YEATS4: variants seen among roughly 807,000 people sequenced by gnomAD.
The protein encoded by YEATS4 is YEATS domain containing 4, also known as YEATS domain-containing protein 4.
YEATS4 carries 17 observed loss-of-function variants against 30.1 expected under a neutral mutation model. That is an observed-to-expected ratio of 0.56 (90% CI 0.39 to 0.85). YEATS4 has a LOEUF of 0.85. Ranked by LOEUF, YEATS4 falls within the 40% of genes least tolerant of loss-of-function variation. The probability of loss-of-function intolerance (pLI) is 0.00; values close to 1 mark genes in which losing one functional copy is unlikely to be tolerated. For missense variants in YEATS4, 142 were observed against 268.3 expected (o/e 0.53, Z 3.29); for synonymous variants, 85 against 87.5 (o/e 0.97, Z 0.16).
chr12:69,361,915 A>G (rs769987297), intron 1 of YEATS4, among the ~76,000 whole-genome samples: 4 of 152,028 alleles, frequency 2.6e-5, no homozygotes, highest in Non-Finnish European at 5.9e-5. Flanking sequence ...TCTGAATTCA[A>G]CTGTAATATT....
chr12:69,413,393 T>C, the YEATS4 span, among the ~76,000 whole-genome samples: 559 of 150,550 alleles, frequency 3.7e-3, 7 homozygotes, highest in African/African-American at 0.013. Flanking sequence ...TGCAGATTTG[T>C]CTTTAAAATT....
chr12:69,365,022 T>C (rs1279687315), intron 2 of YEATS4, among the ~76,000 whole-genome samples: 3 of 152,216 alleles, frequency 2.0e-5, no homozygotes, highest in Non-Finnish European at 4.4e-5. Context: ...AAAATCAAAA[T>C]TGATTTAGAA....
intron 6 of YEATS4, among the ~76,000 whole-genome samples, chr12:69,379,386 G>A (rs1372346811): frequency 2.0e-5 from 3 of 151,360 alleles, no homozygotes; most frequent in Non-Finnish European, 4.4e-5. Context: ...CTTTAATTAA[G>A]GTCAATAACT....
chr12:69,367,044 A>G (rs145168115), intron 4 of YEATS4, among the ~76,000 whole-genome samples: 4 of 152,280 alleles, frequency 2.6e-5, no homozygotes, highest in African/African-American at 4.8e-5. Context: ...TTTTCTTCCT[A>G]CGTAGGAATT....
chr12:69,412,375 G>C, the YEATS4 span, among the ~76,000 whole-genome samples: 5 of 152,086 alleles, frequency 3.3e-5, no homozygotes, highest in Non-Finnish European at 7.4e-5. Context: ...GGCAAGTCCG[G>C]GCGCGGTGGC....
At chr12:69,391,864 GAATGTATTGGTTCA>G (rs879857153), downstream of YEATS4, among the ~76,000 whole-genome samples, 27 of 152,292 alleles carry the variant, frequency 1.8e-4, 1 homozygote, top group Middle Eastern at 3.4e-3. Context: ...AGCTGCCCAC[GAATGTATTGGTTCA>G]AATGTATTGG....
intron 6 of YEATS4, among the ~76,000 whole-genome samples, chr12:69,380,506 A>G (rs894391164): frequency 3.9e-5 from 6 of 152,184 alleles, no homozygotes; most frequent in Non-Finnish European, 5.9e-5. Flanking sequence ...GGGATGACAC[A>G]AGCACCCCTT....
Position 69,359,900 on chromosome 12 carries a change from C to A in YEATS4, c.-73C>A. On this transcript the variant is annotated 5_prime_UTR_variant, in exon 1 of 7. Transcript: ENST00000247843. ...TGGGCCCGCGCGACAGGAGCGCGGT[C>A]TCTGAGGGGAGCGGCGACCCCGCCA... The A allele has an allele frequency of 6.3e-7, 1 of 1,593,936 alleles. No homozygotes were observed. The highest frequency in any genetic ancestry group is 8.6e-7 in the Non-Finnish European group (1 of 1,165,324).
intron 2 of YEATS4, among the ~76,000 whole-genome samples, chr12:69,365,421 AG>A (rs1875388303): frequency 1.3e-5 from 2 of 151,722 alleles, no homozygotes; most frequent in Non-Finnish European, 2.9e-5. Flanking sequence ...ACTGCACTCC[AG>A]CCTGGGCAAC....
chr12:69,365,188 G>T (rs1022275885), intron 2 of YEATS4, among the ~76,000 whole-genome samples: 3 of 151,964 alleles, frequency 2.0e-5, no homozygotes, highest in East Asian at 3.9e-4. Context: ...GGTGGCTCAC[G>T]CCTGTAATTC....
the YEATS4 span, among the ~76,000 whole-genome samples, chr12:69,420,068 G>T: frequency 1.3e-5 from 2 of 152,170 alleles, no homozygotes; most frequent in Non-Finnish European, 2.9e-5. Context: ...GTGTGGAAAA[G>T]GTGGGTTGTC....
At chr12:69,415,001 C>G in the YEATS4 span, among the ~76,000 whole-genome samples, 4 of 152,170 alleles carry the variant, frequency 2.6e-5, no homozygotes, top group Admixed American at 2.6e-4. Context: ...GAAATGCTAC[C>G]TAAATTCCTG....
At chr12:69,416,428 C>T in the YEATS4 span, among the ~76,000 whole-genome samples, 17,536 of 152,128 alleles carry the variant, frequency 0.12, 1,213 homozygotes, top group East Asian at 0.19. Context: ...ACAATCGGCC[C>T]CAAGGAAAAT....
At chr12:69,375,392 G>A (rs1183467846) in intron 6 of YEATS4, among the ~76,000 whole-genome samples, 11 of 151,474 alleles carry the variant, frequency 7.3e-5, no homozygotes, top group Admixed American at 2.0e-4. Flanking sequence ...GATGACGGCC[G>A]GGAAGAGGCG....
rs533225716 is a variant in YEATS4 at position 69,362,013 on chromosome 12, G to GTTTTTTTTTTTT, written c.52-765_52-754dup. Among the ~76,000 whole-genome samples, 119 of 68,934 alleles carry GTTTTTTTTTTTT rather than the reference G, an allele frequency of 1.7e-3. 6 individuals are homozygous for GTTTTTTTTTTTT. The highest frequency in any genetic ancestry group is 5.0e-3 in the African/African-American group (100 of 20,076). 45.2% of individuals were successfully genotyped at this position (68,934 alleles called of 152,430 possible). A position where few individuals can be genotyped will look rare whatever the true frequency, so the allele number is the denominator to read the frequency against. On this transcript the variant is annotated intron_variant, in intron 1 of 6. Coordinates refer to ENST00000247843, the MANE Select transcript of YEATS4 (RefSeq NM_006530.4). ...TTTTTAAATTGTAGGGTGTTTGGTT[G>GTTTTTTTTTTTT]TTTTTTTTTTTTTTTTTTTTTGGAG...
At chr12:69,381,338 T>C (rs2870901) in intron 6 of YEATS4, among the ~76,000 whole-genome samples, 89,385 of 152,074 alleles carry the variant, frequency 0.59, 26,850 homozygotes, top group Non-Finnish European at 0.68. Context: ...CTGTTCTGCC[T>C]GGCTCACCGG....
chr12:69,417,153 A>AT, the YEATS4 span, among the ~76,000 whole-genome samples: 1 of 136,378 alleles, frequency 7.3e-6, no homozygotes, highest in Admixed American at 7.7e-5. Flanking sequence ...ATTTTTTAAA[A>AT]ATTTTTTTTT....
At chr12:69,414,419 C>T in the YEATS4 span, among the ~76,000 whole-genome samples, 10 of 151,924 alleles carry the variant, frequency 6.6e-5, no homozygotes, top group African/African-American at 9.7e-5. Context: ...TTTGTAGATA[C>T]GGGGTCTCAC....
chr12:69,365,073 A>T (rs554211612), intron 2 of YEATS4, among the ~76,000 whole-genome samples: 1 of 152,372 alleles, frequency 6.6e-6, no homozygotes, highest in South Asian at 2.1e-4. Flanking sequence ...TTTGCCAAAA[A>T]AAAAGTTAAT....
Sources: allele counts gnomAD v4.1 joint callset (sites outside exome capture counted in the v4.1 genomes callset), GRCh38; gene constraint gnomAD v4.1.1; transcripts MANE v1.5; gene names NCBI Gene and HGNC (gene_info 2026-07-23, HGNC 2026-07-21).